FBXW8: variants seen among roughly 807,000 people sequenced by gnomAD.
The protein encoded by FBXW8 is F-box and WD repeat domain containing 8.
Under a neutral mutation model 65.3 loss-of-function variants are expected in FBXW8, and 57 were observed. The observed-to-expected ratio is 0.87, with a 90% CI of 0.71 to 1.09. FBXW8 has a LOEUF of 1.09. Ranked by LOEUF, FBXW8 falls within the 50% of genes least tolerant of loss-of-function variation. The pLI, the probability that FBXW8 is intolerant of heterozygous loss-of-function variation, is 0.00. For synonymous variants in FBXW8, 308 were observed against 330.2 expected, an observed-to-expected ratio of 0.93 and a Z score of 0.73; for missense variants, 777 against 814.8, an observed-to-expected ratio of 0.95 and a Z score of 0.57.
chr12:116,996,085 C>A (rs992392172), intron 7 of FBXW8, among the ~76,000 whole-genome samples: 4 of 152,168 alleles, frequency 2.6e-5, no homozygotes, highest in African/African-American at 9.7e-5. Context: ...AGAGAGAGAT[C>A]CACTTAGGGC....
intron 8 of FBXW8, among the ~76,000 whole-genome samples, chr12:117,018,119 G>C (rs1245201453): frequency 6.6e-6 from 1 of 152,164 alleles, no homozygotes; most frequent in Non-Finnish European, 1.5e-5. Flanking sequence ...ATGCTCCTCT[G>C]TTGGAGTCTT....
intron 8 of FBXW8, among the ~76,000 whole-genome samples, chr12:117,022,355 T>TTA (rs1565946153): frequency 7.2e-6 from 1 of 139,162 alleles, no homozygotes; most frequent in African/African-American, 2.6e-5. Flanking sequence ...AAGAAACTAT[T>TTA]AAAAAAAAAA....
intron 2 of FBXW8, among the ~76,000 whole-genome samples, chr12:116,941,654 C>A (rs916786807): frequency 1.3e-5 from 2 of 152,158 alleles, no homozygotes; most frequent in Admixed American, 1.3e-4. Flanking sequence ...GATTTTGACA[C>A]CAAGATAAAC....
In FBXW8 at chr12:116,929,512, G is replaced by T. The variant is rs1881602225; in HGVS notation, c.423+1385G>T. 2.0e-5 allele frequency among the ~76,000 whole-genome samples: 3 copies of T among 151,900 alleles called. No individual in the cohort carries two copies. In the South Asian group the frequency reaches 6.3e-4, roughly 32 times the overall value. On this transcript the variant is annotated intron_variant, in intron 2 of 10. Transcript: ENST00000652555. ...AGCCTCCCAAAGTGCTGGGATTACAGGCATGAGCCACTGGGCCTGGACTGA... is the reference window on the plus strand; with the variant it reads ...AGCCTCCCAAAGTGCTGGGATTACATGCATGAGCCACTGGGCCTGGACTGA...
chr12:116,945,654 C>T (rs1199010223), intron 3 of FBXW8, 126 bp downstream of exon 3: 1 of 829,704 alleles, frequency 1.2e-6, no homozygotes, highest in Non-Finnish European at 1.8e-6. Flanking sequence ...TGAGCCTCCC[C>T]TTCAGCTGTT....
intron 5 of FBXW8, among the ~76,000 whole-genome samples, chr12:116,974,261 C>T (rs12311443): frequency 0.013 from 2,019 of 152,286 alleles, 40 homozygotes; most frequent in African/African-American, 0.046. Context: ...TCCTACTCTG[C>T]ACATGTGTAA....
chr12:116,927,567 A>C (rs1881426001), intron 1 of FBXW8, among the ~76,000 whole-genome samples: 1 of 151,926 alleles, frequency 6.6e-6, no homozygotes, highest in Admixed American at 6.6e-5. Flanking sequence ...GTGTGTGCTC[A>C]CTCCCTTCCT....
intron 5 of FBXW8, among the ~76,000 whole-genome samples, chr12:116,973,596 G>A (rs906404657): frequency 1.3e-5 from 2 of 152,186 alleles, no homozygotes; most frequent in Non-Finnish European, 2.9e-5. Flanking sequence ...CTAATCACGA[G>A]AAAATATCAC....
At chr12:116,969,408 C>T (rs1289039192) in intron 5 of FBXW8, among the ~76,000 whole-genome samples, 1 of 152,212 alleles carries the variant, frequency 6.6e-6, no homozygotes, top group African/African-American at 2.4e-5. Flanking sequence ...GGTCCCCCTT[C>T]AGTTTAACAG....
intron 5 of FBXW8, among the ~76,000 whole-genome samples, chr12:116,976,028 T>A (rs1348911540): frequency 1.3e-5 from 2 of 152,226 alleles, no homozygotes; most frequent in Non-Finnish European, 2.9e-5. Flanking sequence ...ATGTAATAGG[T>A]TAACATTTGG....
At chr12:117,002,204 G>A (rs890809664) in intron 7 of FBXW8, among the ~76,000 whole-genome samples, 3 of 152,240 alleles carry the variant, frequency 2.0e-5, no homozygotes, top group East Asian at 1.9e-4. Context: ...CTGGAACAGC[G>A]GGGGTTGCAG....
chr12:116,955,567 T>C (rs1163148906), intron 4 of FBXW8, among the ~76,000 whole-genome samples: 5 of 152,232 alleles, frequency 3.3e-5, no homozygotes, highest in Non-Finnish European at 7.3e-5. Flanking sequence ...AGTTAGTTGA[T>C]AGTAAGTGCT....
chr12:116,916,889 C>CGT (rs71443002), intron 1 of FBXW8, among the ~76,000 whole-genome samples: 2,166 of 146,366 alleles, frequency 0.015, 47 homozygotes, highest in African/African-American at 0.042. Context: ...GCTAATTGTG[C>CGT]GTGTGTGTGT....
At chr12:116,928,185 A>G in intron 2 of FBXW8, 58 bp downstream of exon 2, 1 of 1,019,382 alleles carries the variant, frequency 9.8e-7, no homozygotes, top group Non-Finnish European at 1.5e-6. Flanking sequence ...AAGGTATAGG[A>G]CTCTCCGGGG....
Position 116,934,137 on chromosome 12 carries a change from G to C in FBXW8, c.423+6010G>C, listed in dbSNP as rs138535442. Among the ~76,000 whole-genome samples the C allele has an allele frequency of 3.1e-4, 47 of 152,278 alleles. 1 individual carries two copies. The South Asian group carries it at 3.5e-3, about 11-fold the overall frequency. ...TAATTATCCCACAAACCATGCCGGA[G>C]ACTGATTTTGCTTTGACTTTGCCTC... On this transcript the variant is annotated intron_variant, in intron 2 of 10. Transcript: ENST00000652555.
chr12:116,959,142 A>G (rs1391003245), intron 4 of FBXW8, among the ~76,000 whole-genome samples: 2 of 152,200 alleles, frequency 1.3e-5, no homozygotes, highest in South Asian at 2.1e-4. Context: ...AACAGGTTGC[A>G]TCTGCTCAGC....
At chr12:116,914,461 T>C (rs1266716666) in intron 1 of FBXW8, among the ~76,000 whole-genome samples, 1 of 150,298 alleles carries the variant, frequency 6.7e-6, no homozygotes, top group Non-Finnish European at 1.5e-5. Flanking sequence ...TAGTCCTCAC[T>C]ACCTGGGAGG....
intron 9 of FBXW8, among the ~76,000 whole-genome samples, chr12:117,024,761 G>C (rs1476431330): frequency 1.3e-5 from 2 of 152,032 alleles, no homozygotes; most frequent in Non-Finnish European, 2.9e-5. Flanking sequence ...CCCAGCTGCT[G>C]TCCTCCACTC....
chr12:116,916,171 G>A (rs1212967733), intron 1 of FBXW8, among the ~76,000 whole-genome samples: 3 of 152,092 alleles, frequency 2.0e-5, no homozygotes, highest in African/African-American at 7.2e-5. Flanking sequence ...CACCATAAAT[G>A]TTTTGTACAT....
Sources: gnomAD v4.1 joint callset for allele counts (sites outside exome capture counted in the v4.1 genomes callset) on GRCh38, gnomAD v4.1.1 for gene constraint, MANE v1.5 for transcripts, NCBI Gene and HGNC (gene_info 2026-07-23, HGNC 2026-07-21) for gene names.